The following PLA2G4A variants were observed in gnomAD, a reference collection of about 807,000 sequenced individuals.
PLA2G4A encodes the protein phospholipase A2 group IVA, also known as cytosolic phospholipase A2.
PLA2G4A carries 40 observed loss-of-function variants against 81.9 expected under a neutral mutation model. That is an observed-to-expected ratio of 0.49 (90% CI 0.38 to 0.64). The LOEUF is 0.64. Ranked by LOEUF, PLA2G4A falls within the 30% of genes least tolerant of loss-of-function variation. PLA2G4A has a pLI of 0.00. For missense variants in PLA2G4A, 715 were observed against 905.1 expected, an observed-to-expected ratio of 0.79 and a Z score of 2.69; for synonymous variants, 302 against 296.9, an observed-to-expected ratio of 1.02 and a Z score of -0.18.
At chr1:186,875,229 T>A (rs1050308270) in intron 3 of PLA2G4A, among the ~76,000 whole-genome samples, 15 of 152,082 alleles carry the variant, frequency 9.9e-5, no homozygotes, top group Admixed American at 9.2e-4. Flanking sequence ...TAAAAATCCA[T>A]GATGGAACAA....
At chr1:186,879,226 G>C (rs1653636056) in intron 3 of PLA2G4A, among the ~76,000 whole-genome samples, 1 of 151,694 alleles carries the variant, frequency 6.6e-6, no homozygotes, top group Admixed American at 6.6e-5. Flanking sequence ...AATATTTTTA[G>C]TTGATGTATA....
Position 186,940,159 on chromosome 1 carries a change from C to A in PLA2G4A, c.1033+65C>A, listed in dbSNP as rs1019425602. On this transcript the variant is annotated intron_variant, in intron 10 of 17. Coordinates refer to ENST00000367466, the MANE Select transcript of PLA2G4A (RefSeq NM_024420.3). ...TGAATTGCAGTTTCCCATGGTTTTC[C>A]TTAGAGGAAGGTCATAAGCAATTTC... 387 of 887,946 alleles carry A rather than the reference C, an allele frequency of 4.4e-4. 2 individuals are homozygous for A. Among genetic ancestry groups the A allele is most frequent in the Non-Finnish European group, 1.2e-4 (63 of 517,776 alleles). The allele number at this position is 887,946 out of a possible 1,614,324, so 55.0% of individuals were successfully genotyped here.
At chr1:186,859,065 C>A (rs1652702590) in intron 2 of PLA2G4A, among the ~76,000 whole-genome samples, 1 of 152,098 alleles carries the variant, frequency 6.6e-6, no homozygotes, top group Non-Finnish European at 1.5e-5. Flanking sequence ...GTGAATCAAG[C>A]CAGCTTACTA....
At chr1:186,839,800 T>C (rs967092608) in intron 1 of PLA2G4A, among the ~76,000 whole-genome samples, 1 of 152,038 alleles carries the variant, frequency 6.6e-6, no homozygotes, top group Admixed American at 6.6e-5. Flanking sequence ...AGTGATGTAA[T>C]TTCCTCTCTC....
At chr1:186,934,463 T>TATACAC (rs368585350) in intron 8 of PLA2G4A, among the ~76,000 whole-genome samples, 2,643 of 143,486 alleles carry the variant, frequency 0.018, 80 homozygotes, top group Middle Eastern at 0.029. Flanking sequence ...TATATATATA[T>TATACAC]ACATACACAG....
intron 12 of PLA2G4A, among the ~76,000 whole-genome samples, chr1:186,948,458 T>C (rs1656418603): frequency 6.6e-6 from 1 of 151,964 alleles, no homozygotes; most frequent in South Asian, 2.1e-4. Context: ...ATGAATGTCC[T>C]GTTCCCAACT....
At chr1:186,959,896 A>G (rs1404362368) in intron 14 of PLA2G4A, among the ~76,000 whole-genome samples, 3 of 144,790 alleles carry the variant, frequency 2.1e-5, no homozygotes, top group Non-Finnish European at 4.5e-5. Flanking sequence ...TGCAACCCCC[A>G]TGCCAAAAAA....
chr1:186,898,545 A>G (rs1654426778), intron 5 of PLA2G4A, among the ~76,000 whole-genome samples: 2 of 152,248 alleles, frequency 1.3e-5, no homozygotes, highest in Non-Finnish European at 2.9e-5. Flanking sequence ...CTAATGAGAA[A>G]TACTGTGAAG....
At chr1:186,916,893 A>G (rs1033204765) in intron 7 of PLA2G4A, among the ~76,000 whole-genome samples, 10 of 152,342 alleles carry the variant, frequency 6.6e-5, no homozygotes, top group African/African-American at 2.4e-4. Context: ...TCCAAATTAT[A>G]AGGAAAATGA....
intron 15 of PLA2G4A, among the ~76,000 whole-genome samples, 188 bp downstream of exon 15, chr1:186,965,781 A>G (rs1367401939): frequency 1.3e-5 from 2 of 152,170 alleles, no homozygotes; most frequent in Non-Finnish European, 2.9e-5. Flanking sequence ...AAATAATTCT[A>G]ATGAGCTCAA....
At chr1:186,894,325 C>T (rs758229394) in intron 5 of PLA2G4A, 114 bp downstream of exon 5, 120 of 656,466 alleles carry the variant, frequency 1.8e-4, no homozygotes, top group Admixed American at 1.3e-3. Context: ...AGAATGTTTG[C>T]TTTTTAAAGA....
At chr1:186,941,949 G>T (rs548822877) in intron 10 of PLA2G4A, among the ~76,000 whole-genome samples, 2 of 152,150 alleles carry the variant, frequency 1.3e-5, no homozygotes, top group Non-Finnish European at 2.9e-5. Context: ...GACAAAGTAT[G>T]TAAACAATGG....
rs1453007515 is a variant in PLA2G4A at position 186,857,173 on chromosome 1, A to ATATG, written c.33+2788_33+2789insTGTA. On this transcript the variant is annotated intron_variant, in intron 2 of 17. Transcript: ENST00000367466. The stretch of plus-strand genomic sequence containing the variant: ...TAATTACATAATATAATATAATTAT[A>ATATG]TAATATGTCTGCCATGTTAAAAGAA... 1.9e-3 allele frequency among the ~76,000 whole-genome samples: 89 copies of ATATG among 46,068 alleles called. 8 individuals carry two copies. Among genetic ancestry groups the ATATG allele is most frequent in the Non-Finnish European group, 3.5e-3 (78 of 22,528 alleles). The allele number at this position is 46,068 out of a possible 152,430, so 30.2% of individuals were successfully genotyped here. A position where few individuals can be genotyped will look rare whatever the true frequency, so the allele number is the denominator to read the frequency against.
chr1:186,965,280 C>T (rs913755262), intron 14 of PLA2G4A, 129 bp from the exon 15 acceptor site: 12 of 713,302 alleles, frequency 1.7e-5, no homozygotes, highest in African/African-American at 1.4e-4. Context: ...ATGCCCAGCT[C>T]TATTTGTCTC....
At chr1:186,901,856 G>A (rs532517891) in intron 5 of PLA2G4A, among the ~76,000 whole-genome samples, 34 of 152,226 alleles carry the variant, frequency 2.2e-4, no homozygotes, top group African/African-American at 8.2e-4. Flanking sequence ...TTGGGGGGTG[G>A]ACACAATTAT....
rs1157877072 is a variant in PLA2G4A at position 186,924,314 on chromosome 1, GC to G, written c.559-8448del. 3.9e-5 allele frequency among the ~76,000 whole-genome samples: 6 copies of G among 152,194 alleles called. No individual in the cohort carries two copies. In the South Asian group the frequency reaches 1.2e-3, roughly 32 times the overall value. Reference sequence around the variant, plus strand: ...AACGTCTCCAACATTTTCTATACAAGCTCATTCTACCTCCTTTAGACACCAG... The same window carrying G: ...AACGTCTCCAACATTTTCTATACAAGTCATTCTACCTCCTTTAGACACCAG... On this transcript the variant is annotated intron_variant, in intron 7 of 17. Transcript: ENST00000367466.
At position 186,965,511 on chromosome 1, in the gene PLA2G4A, T is replaced by C; in HGVS notation, c.1682T>C (p.Ile561Thr). ...GLTFNLPYPL[I>T]LRPQRGVDLI... is the part of the protein sequence containing the mutation. Reference sequence around the variant, plus strand: ...ACATTTAACCTGCCGTATCCCTTGATACTGAGACCTCAGAGAGGGGTTGAT... The same window carrying C: ...ACATTTAACCTGCCGTATCCCTTGACACTGAGACCTCAGAGAGGGGTTGAT... Residue 561 changes from isoleucine to threonine, a missense_variant, in exon 15 of 18, where the codon ATA becomes ACA. Transcript: ENST00000367466. 1 of 1,612,810 alleles carries C rather than the reference T, an allele frequency of 6.2e-7. No individual in the cohort carries two copies. The highest frequency in any genetic ancestry group is 8.5e-7 in the Non-Finnish European group (1 of 1,178,738).
At chr1:186,930,603 T>C (rs750333747) in intron 7 of PLA2G4A, among the ~76,000 whole-genome samples, 1 of 152,190 alleles carries the variant, frequency 6.6e-6, no homozygotes, top group African/African-American at 2.4e-5. Context: ...ACTAAGAACT[T>C]TTTTTCTCTA....
At chr1:186,860,936 T>A (rs1431692335) in intron 2 of PLA2G4A, among the ~76,000 whole-genome samples, 1 of 152,206 alleles carries the variant, frequency 6.6e-6, no homozygotes, top group Non-Finnish European at 1.5e-5. Context: ...TTGAACATCG[T>A]AAGTATAGTA....
Sources: gnomAD v4.1 joint callset for allele counts (sites outside exome capture counted in the v4.1 genomes callset) on GRCh38, gnomAD v4.1.1 for gene constraint, MANE v1.5 for transcripts, NCBI Gene and HGNC (gene_info 2026-07-23, HGNC 2026-07-21) for gene names.